The following CRLF2 variants were observed in gnomAD, a reference collection of about 807,000 sequenced individuals.
CRLF2 encodes the protein cytokine receptor like factor 2.
In CRLF2, 41 loss-of-function variants were observed where a neutral mutation model predicts 38.7. That is an observed-to-expected ratio of 1.06 (90% CI 0.83 to 1.37). The LOEUF (loss-of-function observed/expected upper bound fraction) is 1.37, where lower values mean the gene tolerates loss of function less well. CRLF2 is among the 40% of genes most tolerant of loss of function. The probability of loss-of-function intolerance (pLI) is 0.00; values close to 1 mark genes in which losing one functional copy is unlikely to be tolerated. For missense variants in CRLF2, 377 were observed against 322.2 expected (o/e 1.17, Z -1.30); for synonymous variants, 140 against 128.8 (o/e 1.09, Z -0.59).
intron 2 of CRLF2, among the ~76,000 whole-genome samples, chrX:1,208,041 C>T (rs1254200069): frequency 6.6e-6 from 1 of 152,154 alleles, no homozygotes; most frequent in African/African-American, 2.4e-5. Flanking sequence ...AAAACCCTTC[C>T]TGCAATGTTC....
chrX:1,197,149 G>T (rs1169883747), intron 5 of CRLF2, among the ~76,000 whole-genome samples: 1 of 144,896 alleles, frequency 6.9e-6, no homozygotes, highest in Non-Finnish European at 1.5e-5. Flanking sequence ...CTGGAGTGCA[G>T]TGGCTCCATC....
At chrX:1,208,572 CA>C (rs781777366) in intron 2 of CRLF2, among the ~76,000 whole-genome samples, 1 of 151,678 alleles carries the variant, frequency 6.6e-6, no homozygotes, top group Admixed American at 6.6e-5. Context: ...TAAAAACAAA[CA>C]AAAAAAAGAA....
chrX:1,194,925 G>A (rs1379749190), intron 6 of CRLF2, among the ~76,000 whole-genome samples: 18 of 151,336 alleles, frequency 1.2e-4, no homozygotes, highest in Non-Finnish European at 2.2e-4. Context: ...CCAGCTACTC[G>A]GGAGGCTGAG....
At chrX:1,193,169 G>A (rs1766595833) in intron 7 of CRLF2, 49 bp downstream of exon 7, 3 of 398,350 alleles carry the variant, frequency 7.5e-6, no homozygotes, top group African/African-American at 4.1e-5. Context: ...CAGGCAGAGG[G>A]GCACCTGCTT....
chrX:1,204,665 C>T lies in CRLF2; in HGVS notation c.349+1768G>A, dbSNP rs749966200. 6.0e-5 allele frequency among the ~76,000 whole-genome samples: 9 copies of T among 150,148 alleles called. No homozygotes were observed. In the East Asian group the frequency reaches 1.8e-3, roughly 29 times the overall value. Reference sequence around the variant, plus strand: ...CCTCCCGAGTAGCTGGGATTACAAGCGTGTGCCACCACGCCTGGCTAATTT... The same window carrying T: ...CCTCCCGAGTAGCTGGGATTACAAGTGTGTGCCACCACGCCTGGCTAATTT... On this transcript the variant is annotated intron_variant, in intron 3 of 7. Transcript: ENST00000400841.
In CRLF2 at chrX:1,202,490, T is replaced by A; in HGVS notation, c.395A>T (p.Asp132Val). The A allele has an allele frequency of 1.9e-6, 3 of 1,613,684 alleles. No individual in the cohort carries two copies. The highest frequency in any genetic ancestry group is 2.5e-6 in the Non-Finnish European group (3 of 1,179,678). ...GTCAGAACACGTCACCGTCACTGCA[T>A]CCTGATGCCACGAAAATCTCACGTG... ...PKHVRFSWHQ[D>V]AVTVTCSDLS... The change falls in exon 4 of 8, where the codon GAT (aspartate) becomes GTT (valine). Residue 132 changes from aspartate (D) to valine (V), a missense_variant. Transcript: ENST00000400841.
intron 4 of CRLF2, among the ~76,000 whole-genome samples, chrX:1,201,239 C>T (rs2086598538): frequency 6.6e-6 from 1 of 151,790 alleles, no homozygotes; most frequent in South Asian, 2.1e-4. Flanking sequence ...TGCTGATGAC[C>T]AACAGGTCGT....
At chrX:1,191,973 AG>A (rs2086388718) in intron 7 of CRLF2, among the ~76,000 whole-genome samples, 1 of 149,234 alleles carries the variant, frequency 6.7e-6, no homozygotes. Context: ...TGGGAGGCCA[AG>A]GTGGGTGGAT....
intron 7 of CRLF2, among the ~76,000 whole-genome samples, chrX:1,192,221 C>A (rs1237185843): frequency 0.26 from 31,602 of 122,532 alleles, 3,598 homozygotes; most frequent in Middle Eastern, 0.3. Flanking sequence ...AAAAAAAAAA[C>A]AAAAAAAACC....
At chrX:1,193,559 CCT>C (rs2086429907) in intron 6 of CRLF2, among the ~76,000 whole-genome samples, 1 of 151,852 alleles carries the variant, frequency 6.6e-6, no homozygotes, top group African/African-American at 2.4e-5. Flanking sequence ...GGATGGATCA[CCT>C]GAGGTCAGGA....
At chrX:1,204,717 G>A (rs1352401231) in intron 3 of CRLF2, among the ~76,000 whole-genome samples, 7 of 150,588 alleles carry the variant, frequency 4.6e-5, no homozygotes, top group Non-Finnish European at 1.5e-5. Context: ...AATAGAGACG[G>A]GGTTTCACCA....
rs1303439298 is a variant in CRLF2 at position 1,201,248 on chromosome X, G to A, written c.483+1154C>T. On this transcript the variant is annotated intron_variant, in intron 4 of 7. Transcript: ENST00000400841. ...GCAGTCTGCTGATGACCAACAGGTC[G>A]TTAGGCAGCACATGACTGTGTGTGT... Among the ~76,000 whole-genome samples, 19 of 151,982 alleles carry A rather than the reference G, an allele frequency of 1.3e-4. No individual in the cohort carries two copies. In the South Asian group the frequency reaches 1.5e-3, roughly 12 times the overall value.
chrX:1,210,726 G>C (rs188643208), intron 1 of CRLF2, among the ~76,000 whole-genome samples: 1 of 152,276 alleles, frequency 6.6e-6, no homozygotes, highest in East Asian at 1.9e-4. Context: ...CAGATAGATA[G>C]ATAAATGGTA....
At chrX:1,205,903 T>C (rs2086682846) in intron 3 of CRLF2, among the ~76,000 whole-genome samples, 1 of 151,956 alleles carries the variant, frequency 6.6e-6, no homozygotes, top group Non-Finnish European at 1.5e-5. Flanking sequence ...TGCTTTTCAA[T>C]AGTTATGGTA....
chrX:1,197,942 C>CAG (rs1272431960), intron 5 of CRLF2, among the ~76,000 whole-genome samples: 3 of 152,088 alleles, frequency 2.0e-5, no homozygotes, highest in Admixed American at 2.0e-4. Flanking sequence ...ACAGATGTTG[C>CAG]AGGGAGCCGA....
At chrX:1,195,005 C>G (rs1161774877) in intron 6 of CRLF2, among the ~76,000 whole-genome samples, 3 of 151,924 alleles carry the variant, frequency 2.0e-5, no homozygotes, top group Admixed American at 1.3e-4. Context: ...GTACTCCAGC[C>G]TGGGTGACAG....
Position 1,206,924 on chromosome X carries a change from T to A in CRLF2, c.183-325A>T, listed in dbSNP as rs1244593651. ...CCTCCCAAACTGCTGGAATGAGAGG[T>A]GTGAGCTACCACACCGGCTTTTTTT... On this transcript the variant is annotated intron_variant, in intron 2 of 7. Coordinates refer to ENST00000400841, the MANE Select transcript of CRLF2 (RefSeq NM_022148.4). Among the ~76,000 whole-genome samples the A allele has an allele frequency of 2.8e-5, 4 of 143,140 alleles. No homozygotes were observed. The Admixed American group carries it at 2.9e-4, about 10-fold the overall frequency. The allele number at this position is 143,140 out of a possible 152,430, so 93.9% of individuals were successfully genotyped here. A position where few individuals can be genotyped will look rare whatever the true frequency, so the allele number is the denominator to read the frequency against.
In CRLF2 at chrX:1,202,501, C is replaced by T. The variant is rs778697451; in HGVS notation, c.384G>A (p.Ser128=). 13 of 1,613,550 alleles carry T rather than the reference C, an allele frequency of 8.1e-6. No individual in the cohort carries two copies. The highest frequency in any genetic ancestry group is 1.6e-4 in the Middle Eastern group (1 of 6,078). ...TCACCGTCACTGCATCCTGATGCCACGAAAATCTCACGTGCTTCGGGGAAC... is the reference window on the plus strand; with the variant it reads ...TCACCGTCACTGCATCCTGATGCCATGAAAATCTCACGTGCTTCGGGGAAC... ...KPSSPKHVRF[S]WHQDAVTVTC... is the part of the protein sequence containing the mutation. The change falls in exon 4 of 8, where the codon TCG becomes TCA. Residue 128 remains serine (S), a synonymous_variant. Coordinates refer to ENST00000400841, the MANE Select transcript of CRLF2 (RefSeq NM_022148.4).
intron 5 of CRLF2, 142 bp from the exon 6 acceptor site, chrX:1,197,042 T>G (rs1400890438): frequency 7.2e-6 from 5 of 697,200 alleles, no homozygotes; most frequent in Non-Finnish European, 1.1e-5. Context: ...CGTTGTTTGT[T>G]TTTTGTTTTG....
Sources: gnomAD v4.1 joint callset for allele counts (sites outside exome capture counted in the v4.1 genomes callset) on GRCh38, gnomAD v4.1.1 for gene constraint, MANE v1.5 for transcripts, NCBI Gene and HGNC (gene_info 2026-07-23, HGNC 2026-07-21) for gene names.